The following SMIM10L3 variants were observed in gnomAD, a reference collection of about 807,000 sequenced individuals.
The protein encoded by SMIM10L3 is salivary gland specific protein SAGSIN1.
the SMIM10L3 span, chr7:6,330,937 C>T: frequency 3.1e-6 from 5 of 1,614,090 alleles, no homozygotes; most frequent in South Asian, 5.5e-5. Flanking sequence ...AAGCCAGAGG[C>T]CAGCCCCGCT....
chr7:6,339,156 G>T, the SMIM10L3 span, among the ~76,000 whole-genome samples: 3 of 152,110 alleles, frequency 2.0e-5, no homozygotes, highest in African/African-American at 7.2e-5. Context: ...CCTGCTACTC[G>T]CCACTTGGCA....
chr7:6,330,856 G>A, the SMIM10L3 span: 11 of 1,614,166 alleles, frequency 6.8e-6, no homozygotes, highest in East Asian at 6.7e-5. Context: ...GGCTGTGCTC[G>A]GAGTGGCTGC....
the SMIM10L3 span, among the ~76,000 whole-genome samples, chr7:6,337,473 G>A: frequency 6.6e-6 from 1 of 151,844 alleles, no homozygotes; most frequent in South Asian, 2.1e-4. Flanking sequence ...ACAGTGCTCA[G>A]AAAAATTAAG....
At chr7:6,333,103 G>C in the SMIM10L3 span, among the ~76,000 whole-genome samples, 12 of 150,456 alleles carry the variant, frequency 8.0e-5, no homozygotes, top group African/African-American at 2.9e-4. Flanking sequence ...GTTGCAGTGA[G>C]CCGAGATCCC....
chr7:6,347,557 G>A, the SMIM10L3 span, among the ~76,000 whole-genome samples: 4 of 151,792 alleles, frequency 2.6e-5, no homozygotes, highest in Admixed American at 2.0e-4. Context: ...CAGCAAAGGC[G>A]GTCTCCAGGG....
At chr7:6,332,842 T>C in the SMIM10L3 span, among the ~76,000 whole-genome samples, 1 of 152,068 alleles carries the variant, frequency 6.6e-6, no homozygotes, top group Non-Finnish European at 1.5e-5. Flanking sequence ...TAATGCTAAA[T>C]GGATGTATAA....
chr7:6,340,416 C>T, the SMIM10L3 span, among the ~76,000 whole-genome samples: 1 of 152,072 alleles, frequency 6.6e-6, no homozygotes, highest in East Asian at 1.9e-4. Flanking sequence ...CAGACACAGC[C>T]CCAACATGGG....
chr7:6,341,143 C>CAA, the SMIM10L3 span, among the ~76,000 whole-genome samples: 20 of 142,064 alleles, frequency 1.4e-4, no homozygotes, highest in East Asian at 1.1e-3. Context: ...GACTCTGTCC[C>CAA]AAAAAAAAAA....
At chr7:6,339,387 G>C in the SMIM10L3 span, among the ~76,000 whole-genome samples, 8 of 152,166 alleles carry the variant, frequency 5.3e-5, no homozygotes, top group Non-Finnish European at 7.3e-5. Flanking sequence ...AGGATCGTTT[G>C]AGCCTAGGAG....
chr7:6,335,576 T>C, the SMIM10L3 span, among the ~76,000 whole-genome samples: 1 of 152,126 alleles, frequency 6.6e-6, no homozygotes, highest in African/African-American at 2.4e-5. Flanking sequence ...TTTAGTTCAT[T>C]CTTCTTTCTT....
the SMIM10L3 span, among the ~76,000 whole-genome samples, chr7:6,342,297 C>T: frequency 2.0e-5 from 3 of 152,068 alleles, no homozygotes; most frequent in Non-Finnish European, 2.9e-5. Flanking sequence ...GTAATCCCAG[C>T]ACTCTGGGAG....
the SMIM10L3 span, among the ~76,000 whole-genome samples, chr7:6,337,081 T>G: frequency 8.8e-4 from 134 of 152,002 alleles, no homozygotes; most frequent in African/African-American, 3.1e-3. Flanking sequence ...TTCTTTTTTT[T>G]TTTTTGAGAC....
chr7:6,342,446 G>A, the SMIM10L3 span, among the ~76,000 whole-genome samples: 4 of 152,050 alleles, frequency 2.6e-5, no homozygotes, highest in African/African-American at 9.7e-5. Context: ...TCGGGAGGCA[G>A]GAGAATCACT....
the SMIM10L3 span, chr7:6,330,336 C>G: frequency 1.3e-6 from 2 of 1,542,980 alleles, no homozygotes; most frequent in Non-Finnish European, 8.8e-7. Flanking sequence ...TCTAAGACAA[C>G]TCTTAAAATT....
chr7:6,347,883 T>A, the SMIM10L3 span, among the ~76,000 whole-genome samples: 3 of 131,538 alleles, frequency 2.3e-5, no homozygotes, highest in African/African-American at 8.5e-5. Context: ...ACGAGACCCC[T>A]TTATTATTAT....
the SMIM10L3 span, chr7:6,330,487 T>C: frequency 6.2e-7 from 1 of 1,614,214 alleles, no homozygotes; most frequent in Non-Finnish European, 8.5e-7. Flanking sequence ...TTCTATTGTT[T>C]GCTTTGAAAA....
chr7:6,335,616 A>G, the SMIM10L3 span, among the ~76,000 whole-genome samples: 1 of 152,176 alleles, frequency 6.6e-6, no homozygotes, highest in Non-Finnish European at 1.5e-5. Context: ...ATGTTTTATA[A>G]TATGTATCAT....
the SMIM10L3 span, among the ~76,000 whole-genome samples, chr7:6,347,453 T>C: frequency 6.6e-6 from 1 of 151,528 alleles, no homozygotes; most frequent in African/African-American, 2.4e-5. Context: ...GAGGCAGAGG[T>C]TGCAGTGAGC....
At chr7:6,339,245 A>T in the SMIM10L3 span, among the ~76,000 whole-genome samples, 1 of 152,010 alleles carries the variant, frequency 6.6e-6, no homozygotes, top group African/African-American at 2.4e-5. Flanking sequence ...AGGTGGGGAG[A>T]TCACTTGAGC....
Sources: gnomAD v4.1 joint callset for allele counts (sites outside exome capture counted in the v4.1 genomes callset) on GRCh38, gnomAD v4.1.1 for gene constraint, MANE v1.5 for transcripts, NCBI Gene and HGNC (gene_info 2026-07-23, HGNC 2026-07-21) for gene names.